UBE3C: variants seen among roughly 807,000 people sequenced by gnomAD.
The protein encoded by UBE3C is ubiquitin-protein ligase E3C.
A neutral mutation model predicts 129.4 loss-of-function variants in UBE3C; 42 were observed. That is an observed-to-expected ratio of 0.32 (90% CI 0.25 to 0.42). The LOEUF is 0.42. UBE3C is among the 10% of genes least tolerant of loss of function. The pLI, the probability that UBE3C is intolerant of heterozygous loss-of-function variation, is 1.00. For missense variants in UBE3C, 1,049 were observed against 1,319.1 expected (o/e 0.80, Z 3.17); for synonymous variants, 510 against 492.4 (o/e 1.04, Z -0.47).
At chr7:157,253,903 C>T (rs1472602973) in intron 19 of UBE3C, 51 bp from the exon 20 acceptor site, 1 of 1,457,718 alleles carries the variant, frequency 6.9e-7, no homozygotes, top group Non-Finnish European at 9.2e-7. Flanking sequence ...TTTTTTTTAA[C>T]CTATTATCAT....
intron 18 of UBE3C, among the ~76,000 whole-genome samples, chr7:157,233,323 C>T (rs1796070865): frequency 6.6e-6 from 1 of 152,200 alleles, no homozygotes; most frequent in Non-Finnish European, 1.5e-5. Flanking sequence ...ACAGGTCTTT[C>T]TCTGCCACCT....
At chr7:157,229,265 A>C (rs945472457) in intron 17 of UBE3C, among the ~76,000 whole-genome samples, 2 of 152,228 alleles carry the variant, frequency 1.3e-5, no homozygotes, top group African/African-American at 2.4e-5. Flanking sequence ...CCTGTTTATC[A>C]GAGCACATCT....
At chr7:157,265,206 G>A (rs893776221) in intron 22 of UBE3C, among the ~76,000 whole-genome samples, 2 of 152,296 alleles carry the variant, frequency 1.3e-5, no homozygotes, top group East Asian at 1.9e-4. Flanking sequence ...TCGTGTACAC[G>A]TGTGCAGGGA....
In UBE3C at chr7:157,171,959, G is replaced by A. The variant is rs186082060; in HGVS notation, c.342+1509G>A. Among the ~76,000 whole-genome samples the A allele has an allele frequency of 3.4e-3, 513 of 150,416 alleles. 1 individual carries two copies. The highest frequency in any genetic ancestry group is 0.011 in the African/African-American group (456 of 41,060). On this transcript the variant is annotated intron_variant, in intron 4 of 22. Coordinates refer to ENST00000348165, the MANE Select transcript of UBE3C (RefSeq NM_014671.3). ...TGGCCTCAGGTGATCCACCTGCCTC[G>A]GCCACCCATAGTGCTGGGATTACAG...
At chr7:157,173,489 G>A (rs1808435753) in intron 4 of UBE3C, among the ~76,000 whole-genome samples, 1 of 152,156 alleles carries the variant, frequency 6.6e-6, no homozygotes, top group Non-Finnish European at 1.5e-5. Context: ...TGCCACTTTT[G>A]ATGGGTTTTC....
intron 17 of UBE3C, among the ~76,000 whole-genome samples, chr7:157,228,607 C>A (rs1795939451): frequency 1.3e-5 from 2 of 152,298 alleles, no homozygotes; most frequent in East Asian, 1.9e-4. Context: ...GGAAAGCAAG[C>A]TGGAGCCAAA....
intron 18 of UBE3C, among the ~76,000 whole-genome samples, chr7:157,232,033 A>G (rs2116639442): frequency 6.6e-6 from 1 of 152,274 alleles, no homozygotes; most frequent in East Asian, 1.9e-4. Flanking sequence ...GCTCTAGAAG[A>G]ATCCATTCTT....
chr7:157,205,906 A>C (rs10271970), intron 11 of UBE3C, among the ~76,000 whole-genome samples: 26,047 of 152,220 alleles, frequency 0.17, 2,476 homozygotes, highest in East Asian at 0.35. Flanking sequence ...CAGAAGCTCC[A>C]GGTGGCTCAG....
At chr7:157,223,175 A>C in intron 15 of UBE3C, 79 bp from the exon 16 acceptor site, 1 of 1,429,994 alleles carries the variant, frequency 7.0e-7, no homozygotes, top group Non-Finnish European at 9.8e-7. Context: ...GATTTCAAGA[A>C]TCTTCACCTT....
intron 5 of UBE3C, 103 bp downstream of exon 5, chr7:157,175,137 C>A (rs1406265262): frequency 9.7e-4 from 246 of 252,710 alleles, no homozygotes; most frequent in Non-Finnish European, 1.3e-3. Context: ...CTTTTCCATA[C>A]TTTTTTTTTT....
At chr7:157,184,409 A>G (rs1391776204) in intron 9 of UBE3C, among the ~76,000 whole-genome samples, 1 of 152,178 alleles carries the variant, frequency 6.6e-6, no homozygotes, top group African/African-American at 2.4e-5. Flanking sequence ...CTGATTTTAT[A>G]GAGGATAAAT....
intron 2 of UBE3C, among the ~76,000 whole-genome samples, chr7:157,166,479 G>A (rs552386655): frequency 1.3e-5 from 2 of 152,202 alleles, no homozygotes; most frequent in Non-Finnish European, 2.9e-5. Context: ...GATGGCTCAC[G>A]CCTGTATTCT....
intron 14 of UBE3C, among the ~76,000 whole-genome samples, chr7:157,217,481 A>G (rs1037340622): frequency 1.3e-5 from 2 of 152,174 alleles, no homozygotes; most frequent in East Asian, 1.9e-4. Context: ...AAGAACAGAG[A>G]CAAATTTGAA....
At chr7:157,262,721 T>G (rs891057428) in intron 22 of UBE3C, among the ~76,000 whole-genome samples, 1 of 152,018 alleles carries the variant, frequency 6.6e-6, no homozygotes, top group Admixed American at 6.6e-5. Context: ...GCGCCCATCC[T>G]CTTCATAGCA....
chr7:157,250,093 G>A (rs1796584145), intron 19 of UBE3C, among the ~76,000 whole-genome samples: 1 of 152,190 alleles, frequency 6.6e-6, no homozygotes, highest in Non-Finnish European at 1.5e-5. Flanking sequence ...GTGAGAACAG[G>A]GGCAGGAAGT....
intron 1 of UBE3C, among the ~76,000 whole-genome samples, chr7:157,142,020 G>A (rs1472625253): frequency 6.6e-6 from 1 of 152,240 alleles, no homozygotes; most frequent in African/African-American, 2.4e-5. Context: ...CACAGCATCT[G>A]AAGGTATCCA....
intron 10 of UBE3C, chr7:157,197,681 C>A (rs1481989747): frequency 3.1e-6 from 5 of 1,609,676 alleles, no homozygotes; most frequent in Non-Finnish European, 4.3e-6. Flanking sequence ...GCTCTTTATT[C>A]GGAAATGAAG....
intron 22 of UBE3C, 149 bp from the exon 23 acceptor site, chr7:157,267,436 A>G: frequency 1.0e-6 from 1 of 1,001,052 alleles, no homozygotes; most frequent in Middle Eastern, 2.1e-4. Context: ...AAAACAAACA[A>G]CAACAACAAA....
intron 18 of UBE3C, among the ~76,000 whole-genome samples, chr7:157,246,296 C>CTGTG (rs1796475474): frequency 6.6e-6 from 1 of 152,208 alleles, no homozygotes; most frequent in African/African-American, 2.4e-5. Context: ...AAGCAAAGGA[C>CTGTG]TCACTCCCCA....
Sources: allele counts gnomAD v4.1 joint callset (sites outside exome capture counted in the v4.1 genomes callset), GRCh38; gene constraint gnomAD v4.1.1; transcripts MANE v1.5; gene names NCBI Gene and HGNC (gene_info 2026-07-23, HGNC 2026-07-21).